The following TCERG1L variants were observed in gnomAD, a reference collection of about 807,000 sequenced individuals.
The protein encoded by TCERG1L is transcription elongation regulator 1-like protein.
A neutral mutation model predicts 56.3 loss-of-function variants in TCERG1L; 37 were observed. The observed-to-expected ratio is 0.66, with a 90% CI of 0.51 to 0.87. The LOEUF is 0.87. Among genes scored for constraint, TCERG1L ranks in the 40% least tolerant of loss-of-function variants. The pLI, the probability that TCERG1L is intolerant of heterozygous loss-of-function variation, is 0.00. For missense variants in TCERG1L, 799 were observed against 774.2 expected (o/e 1.03, Z -0.38); for synonymous variants, 324 against 326.3 (o/e 0.99, Z 0.08).
intron 8 of TCERG1L, among the ~76,000 whole-genome samples, chr10:131,119,441 T>C (rs1845491674): frequency 6.6e-6 from 1 of 152,246 alleles, no homozygotes; most frequent in Non-Finnish European, 1.5e-5. Context: ...GATTTCCAAT[T>C]GTATCATATT....
intron 4 of TCERG1L, among the ~76,000 whole-genome samples, chr10:131,230,306 A>T (rs1478165647): frequency 6.6e-6 from 1 of 152,212 alleles, no homozygotes; most frequent in African/African-American, 2.4e-5. Flanking sequence ...TATTCTGAAC[A>T]GCGCGTGCTG....
chr10:131,157,220 C>T (rs980612937), intron 6 of TCERG1L, among the ~76,000 whole-genome samples: 7 of 152,190 alleles, frequency 4.6e-5, no homozygotes, highest in African/African-American at 1.7e-4. Context: ...TCGTATCTTT[C>T]CAAGCCATCT....
intron 4 of TCERG1L, among the ~76,000 whole-genome samples, chr10:131,259,994 T>G (rs1846217707): frequency 6.6e-6 from 1 of 152,208 alleles, no homozygotes; most frequent in Non-Finnish European, 1.5e-5. Context: ...AAGAGAAGTC[T>G]CATTTCCTCA....
intron 4 of TCERG1L, among the ~76,000 whole-genome samples, chr10:131,258,627 G>A (rs946875776): frequency 2.6e-5 from 4 of 152,210 alleles, no homozygotes; most frequent in African/African-American, 7.2e-5. Flanking sequence ...CCAGCAATGG[G>A]AAGGCAATTT....
intron 5 of TCERG1L, among the ~76,000 whole-genome samples, chr10:131,165,537 C>G (rs1278190795): frequency 1.3e-5 from 2 of 152,114 alleles, no homozygotes; most frequent in South Asian, 4.1e-4. Flanking sequence ...ATTGGCATAA[C>G]AGAGCATTCA....
chr10:131,300,827 C>T (rs376241214), intron 3 of TCERG1L, among the ~76,000 whole-genome samples: 9 of 150,750 alleles, frequency 6.0e-5, no homozygotes, highest in East Asian at 5.8e-4. Context: ...GAGATAAATA[C>T]GGTTTACTCC....
In TCERG1L at chr10:131,206,272, G is replaced by C. The variant is rs551752294; in HGVS notation, c.857-39387C>G. Among the ~76,000 whole-genome samples, 27 of 152,344 alleles carry C rather than the reference G, an allele frequency of 1.8e-4. No individual in the cohort carries two copies. In the South Asian group the frequency reaches 5.2e-3, roughly 29 times the overall value. On this transcript the variant is annotated intron_variant, in intron 4 of 11. Transcript: ENST00000368642. ...GGCTGGTCCTGCGGACCGGCTGGCA[G>C]CCTGGGAGTGGACTCAGGGCACTGG...
intron 8 of TCERG1L, among the ~76,000 whole-genome samples, chr10:131,130,596 C>T (rs1049396704): frequency 6.6e-5 from 10 of 152,212 alleles, no homozygotes; most frequent in Admixed American, 5.9e-4. Context: ...CATTTCTTAC[C>T]ACAGAAGTGA....
At chr10:131,261,537 C>T (rs1182437789) in intron 3 of TCERG1L, among the ~76,000 whole-genome samples, 2 of 152,198 alleles carry the variant, frequency 1.3e-5, no homozygotes, top group South Asian at 2.1e-4. Flanking sequence ...CAGGGAAGAT[C>T]GTTAGTGCCA....
Position 131,118,908 on chromosome 10 carries a change from G to C in TCERG1L, c.1260-1974C>G, listed in dbSNP as rs1462554022. Among the ~76,000 whole-genome samples the C allele has an allele frequency of 2.0e-5, 3 of 152,212 alleles. No homozygotes were observed. Among genetic ancestry groups the C allele is most frequent in the Non-Finnish European group, 4.4e-5 (3 of 68,032 alleles). On this transcript the variant is annotated intron_variant, in intron 8 of 11. Transcript: ENST00000368642. This position sits in a 1 kb window ranked among gnomAD's most constrained non-coding sequence, Gnocchi z 4.2. ...AACATTTGTGGCTGCCACAACTGGGGAGATGTTACCAGCACCTGGGAGTGG... is the reference window on the plus strand; with the variant it reads ...AACATTTGTGGCTGCCACAACTGGGCAGATGTTACCAGCACCTGGGAGTGG...
chr10:131,136,598 C>T (rs938623390), intron 7 of TCERG1L, among the ~76,000 whole-genome samples: 1 of 152,046 alleles, frequency 6.6e-6, no homozygotes, highest in African/African-American at 2.4e-5. Flanking sequence ...CGGGCTCAAG[C>T]AATTCTCCTG....
At chr10:131,143,466 C>A (rs538583708) in intron 7 of TCERG1L, among the ~76,000 whole-genome samples, 1 of 152,258 alleles carries the variant, frequency 6.6e-6, no homozygotes, top group Admixed American at 6.5e-5. Context: ...GGCCCCAGCT[C>A]CAACAATTCC....
intron 4 of TCERG1L, among the ~76,000 whole-genome samples, chr10:131,200,927 C>T (rs917577388): frequency 3.9e-5 from 6 of 152,116 alleles, no homozygotes; most frequent in East Asian, 1.9e-4. Context: ...AGAGGCTTCT[C>T]GCACGGTTAT....
chr10:131,126,766 C>T (rs1845570001), intron 8 of TCERG1L, among the ~76,000 whole-genome samples: 1 of 152,190 alleles, frequency 6.6e-6, no homozygotes, highest in Non-Finnish European at 1.5e-5. Context: ...CTACCTCCAC[C>T]CAGGGCAGCA....
chr10:131,228,091 T>C (rs1845813121), intron 4 of TCERG1L, among the ~76,000 whole-genome samples: 1 of 151,684 alleles, frequency 6.6e-6, no homozygotes, highest in African/African-American at 2.4e-5. Context: ...TCCGAGCCCC[T>C]GACAGACATT....
chr10:131,148,861 C>A (rs1340923900), intron 6 of TCERG1L, among the ~76,000 whole-genome samples: 3 of 152,214 alleles, frequency 2.0e-5, no homozygotes, highest in Admixed American at 2.0e-4. Flanking sequence ...GTCGCTGGAG[C>A]CCTGAGTCTG....
chr10:131,308,519 T>A (rs901736683), intron 2 of TCERG1L, 128 bp from the exon 3 acceptor site: 3 of 751,576 alleles, frequency 4.0e-6, no homozygotes, highest in Non-Finnish European at 6.3e-6. Context: ...GGGGACTCTA[T>A]AAAACCATCA....
intron 1 of TCERG1L, among the ~76,000 whole-genome samples, chr10:131,310,742 C>T (rs1275418859): frequency 6.6e-6 from 1 of 152,188 alleles, no homozygotes; most frequent in African/African-American, 2.4e-5. Context: ...GGTAACATCC[C>T]TCAGTACCGA....
At chr10:131,160,322 G>A (rs920311657) in intron 6 of TCERG1L, among the ~76,000 whole-genome samples, 1 of 152,114 alleles carries the variant, frequency 6.6e-6, no homozygotes, top group Non-Finnish European at 1.5e-5. Context: ...AGGAAGGCCT[G>A]TAGGTCCTGT....
Sources: allele counts gnomAD v4.1 joint callset (sites outside exome capture counted in the v4.1 genomes callset), GRCh38; gene constraint gnomAD v4.1.1; non-coding constraint Gnocchi (gnomAD v3.1); transcripts MANE v1.5; gene names NCBI Gene and HGNC (gene_info 2026-07-23, HGNC 2026-07-21).